Variants in RPS6KA2 observed in about 807,000 individuals in gnomAD.
The protein encoded by RPS6KA2 is ribosomal protein S6 kinase A2.
RPS6KA2 carries 42 observed loss-of-function variants against 91.8 expected under a neutral mutation model. The ratio of observed to expected loss-of-function variants is 0.46; its 90% CI spans 0.36 to 0.59. The LOEUF (loss-of-function observed/expected upper bound fraction) is 0.59. Among genes scored for constraint, RPS6KA2 ranks in the 20% least tolerant of loss-of-function variants. The pLI is 0.00. For missense variants in RPS6KA2, 798 were observed against 978.5 expected (o/e 0.82, Z 2.46); for synonymous variants, 414 against 393.6 (o/e 1.05, Z -0.61).
intron 10 of RPS6KA2, among the ~76,000 whole-genome samples, chr6:166,477,656 G>A (rs931276595): frequency 2.6e-5 from 4 of 152,192 alleles, no homozygotes; most frequent in Non-Finnish European, 5.9e-5. Flanking sequence ...GCTCACGCCT[G>A]TAATCTCATG....
At chr6:166,781,256 C>A (rs972092923) in intron 2 of RPS6KA2, among the ~76,000 whole-genome samples, 2 of 152,234 alleles carry the variant, frequency 1.3e-5, no homozygotes, top group Admixed American at 6.5e-5. Flanking sequence ...GAACTAGGAA[C>A]CGCATTTCAC....
At chr6:166,766,920 C>T (rs1302095459) in intron 2 of RPS6KA2, among the ~76,000 whole-genome samples, 2 of 152,232 alleles carry the variant, frequency 1.3e-5, no homozygotes, top group Non-Finnish European at 2.9e-5. Flanking sequence ...TGTCTGGACC[C>T]AGCTGCGTGG....
intron 1 of RPS6KA2, among the ~76,000 whole-genome samples, chr6:166,572,719 C>T (rs1583290868): frequency 1.3e-5 from 2 of 152,216 alleles, no homozygotes; most frequent in African/African-American, 4.8e-5. Flanking sequence ...GCCTGTGACC[C>T]CTCACTGAGG....
chr6:166,542,270 T>C (rs562195426), intron 1 of RPS6KA2: 4 of 152,388 alleles, frequency 2.6e-5, no homozygotes, highest in African/African-American at 9.6e-5. Context: ...GCAACTAGCA[T>C]GAAAATGTTA....
chr6:166,440,072 G>A (rs564420332), intron 14 of RPS6KA2: 1 of 152,356 alleles, frequency 6.6e-6, no homozygotes, highest in East Asian at 1.9e-4. Context: ...CAGTGAGACA[G>A]ATTTCAGAAT....
exon 1 of RPS6KA2, chr6:166,862,468 G>C (rs1036572574): frequency 1.0e-6 from 1 of 977,412 alleles, no homozygotes; most frequent in Admixed American, 3.3e-5. Flanking sequence ...GGGCTGGGGC[G>C]AGGAAAGGAG....
chr6:166,427,671 G>A (rs1351231061), intron 16 of RPS6KA2, among the ~76,000 whole-genome samples: 1 of 152,202 alleles, frequency 6.6e-6, no homozygotes, highest in East Asian at 1.9e-4. Flanking sequence ...GACAACCAGA[G>A]AGCCAAATCA....
At chr6:166,454,413 G>A (rs924144984) in intron 12 of RPS6KA2, among the ~76,000 whole-genome samples, 2 of 152,060 alleles carry the variant, frequency 1.3e-5, no homozygotes, top group Admixed American at 6.5e-5. Context: ...CAGGAGAATC[G>A]CTTGAACCTG....
chr6:166,783,282 T>A (rs1016087189), intron 2 of RPS6KA2, among the ~76,000 whole-genome samples: 2 of 151,914 alleles, frequency 1.3e-5, no homozygotes, highest in East Asian at 3.9e-4. Flanking sequence ...TAAAGTAGAT[T>A]ACCTTCGTAA....
chr6:166,528,458 T>C (rs961859083), intron 3 of RPS6KA2, among the ~76,000 whole-genome samples: 16 of 151,584 alleles, frequency 1.1e-4, no homozygotes, highest in South Asian at 8.4e-4. Context: ...CCTAAAACCA[T>C]AAAAACCCTA....
intron 2 of RPS6KA2, among the ~76,000 whole-genome samples, chr6:166,837,154 C>T (rs1040647218): frequency 2.0e-5 from 3 of 152,166 alleles, no homozygotes; most frequent in Non-Finnish European, 4.4e-5. Context: ...CAGGGGGCTC[C>T]GAGGCCTCCT....
chr6:166,643,520 C>T (rs1787512965), intron 2 of RPS6KA2, among the ~76,000 whole-genome samples: 1 of 152,146 alleles, frequency 6.6e-6, no homozygotes. Context: ...TACAATAATT[C>T]TAAGCTTACA....
At chr6:166,476,658 C>G (rs1246751265) in intron 10 of RPS6KA2, among the ~76,000 whole-genome samples, 2 of 152,066 alleles carry the variant, frequency 1.3e-5, no homozygotes, top group South Asian at 2.1e-4. Flanking sequence ...AGGGTCCCCT[C>G]TCTCCCTGGG....
At chr6:166,693,531 C>T (rs1789271685) in intron 2 of RPS6KA2, among the ~76,000 whole-genome samples, 1 of 152,194 alleles carries the variant, frequency 6.6e-6, no homozygotes, top group African/African-American at 2.4e-5. Context: ...TTGTGGACTG[C>T]TCCAAGTCCA....
chr6:166,857,756 C>T lies in RPS6KA2; in HGVS notation c.123+444G>A, dbSNP rs187287062. On this transcript the variant is annotated intron_variant, in intron 2 of 21. Coordinates refer to the RPS6KA2 transcript ENST00000503859. ...TCCGTCCACTGGAAAGGCAACTCCC[C>T]ACGGATGGAATCCGCTCTTCTCCCC... 6.8e-3 allele frequency among the ~76,000 whole-genome samples: 1,029 copies of T among 152,310 alleles called. 7 individuals are homozygous for T. The highest frequency in any genetic ancestry group is 0.029 in the South Asian group (141 of 4,824).
Position 166,774,218 on chromosome 6 carries a change from A to C in RPS6KA2, c.123+83982T>G, listed in dbSNP as rs912771775. Among the ~76,000 whole-genome samples, 3 of 152,196 alleles carry C rather than the reference A, an allele frequency of 2.0e-5. No individual in the cohort carries two copies. In the East Asian group the frequency reaches 5.8e-4, roughly 29 times the overall value. On this transcript the variant is annotated intron_variant, in intron 2 of 21. Coordinates refer to the RPS6KA2 transcript ENST00000503859. ...TGCCAGCCAAATTTTATAACACAAAAGGTGTTCCGTGTGCTCACAGCACCC... is the reference window on the plus strand; with the variant it reads ...TGCCAGCCAAATTTTATAACACAAACGGTGTTCCGTGTGCTCACAGCACCC...
intron 1 of RPS6KA2, among the ~76,000 whole-genome samples, chr6:166,582,527 A>G (rs1023280810): frequency 4.6e-5 from 7 of 152,234 alleles, no homozygotes; most frequent in Middle Eastern, 3.2e-3. Context: ...ACTGAAATGT[A>G]GCATGGAGCT....
intron 2 of RPS6KA2, among the ~76,000 whole-genome samples, chr6:166,743,025 C>T (rs1023567183): frequency 2.0e-5 from 3 of 152,218 alleles, no homozygotes; most frequent in African/African-American, 4.8e-5. Context: ...AGCGCACTTC[C>T]CCAAAGACAC....
intron 1 of RPS6KA2, among the ~76,000 whole-genome samples, chr6:166,611,062 TA>T (rs1411826994): frequency 1.3e-5 from 2 of 152,258 alleles, no homozygotes; most frequent in Non-Finnish European, 2.9e-5. Context: ...ATAATATATT[TA>T]TTTTTTTCAA....
Sources: allele counts gnomAD v4.1 joint callset (sites outside exome capture counted in the v4.1 genomes callset), GRCh38; gene constraint gnomAD v4.1.1; transcripts MANE v1.5; gene names NCBI Gene and HGNC (gene_info 2026-07-23, HGNC 2026-07-21).